The following UPF1 variants were observed in gnomAD, a reference collection of about 807,000 sequenced individuals.
The protein encoded by UPF1 is regulator of nonsense transcripts 1.
In UPF1, 9 loss-of-function variants were observed where a neutral mutation model predicts 129.2. The ratio of observed to expected loss-of-function variants is 0.07; its 90% CI spans 0.04 to 0.12. The LOEUF is 0.12. Ranked by LOEUF, UPF1 falls within the 10% of genes least tolerant of loss-of-function variation. The pLI is 1.00. For missense variants in UPF1, 788 were observed against 1,525.3 expected (o/e 0.52, Z 8.05); for synonymous variants, 649 against 644.9 (o/e 1.01, Z -0.10).
In UPF1 at chr19:18,838,648, T is replaced by TA. The variant is rs879748995; in HGVS notation, c.231+6220dup. Among the ~76,000 whole-genome samples, 75 of 147,206 alleles carry TA rather than the reference T, an allele frequency of 5.1e-4. No homozygotes were observed. In the East Asian group the frequency reaches 6.3e-3, roughly 12 times the overall value. The stretch of plus-strand genomic sequence containing the variant: ...GGGCAACAAGAGCAAAACTCCATCT[T>TA]AAAAAAAAAAAATGCTCATGACTTC... On this transcript the variant is annotated intron_variant, in intron 1 of 23. Transcript: ENST00000262803.
intron 1 of UPF1, among the ~76,000 whole-genome samples, chr19:18,839,254 A>G (rs1348437328): frequency 6.6e-6 from 1 of 151,972 alleles, no homozygotes; most frequent in East Asian, 1.9e-4. Flanking sequence ...ACCATGCCCA[A>G]CTAATTTTTT....
chr19:18,843,622 G>A (rs574995373), intron 1 of UPF1, among the ~76,000 whole-genome samples: 4 of 150,084 alleles, frequency 2.7e-5, no homozygotes, highest in East Asian at 4.0e-4. Context: ...GGGTTCAAGC[G>A]ATTCTCCTGC....
intron 18 of UPF1, 119 bp from the exon 19 acceptor site, chr19:18,863,319 G>C: frequency 7.5e-7 from 1 of 1,336,130 alleles, no homozygotes; most frequent in South Asian, 1.4e-5. Flanking sequence ...CCTGCTGCCC[G>C]GTCCACGCCT....
chr19:18,865,721 C>CATGAGCCAGCCTTCCCAG lies in UPF1; in HGVS notation c.3192_3209dup (p.Ser1065_Pro1070dup), dbSNP rs2055836321. On this transcript the variant is annotated inframe_insertion, in exon 22 of 24. Transcript: ENST00000262803. The surrounding 1 kb of genome is among the most constrained non-coding windows in gnomAD (Gnocchi z 6.1). ...GCGCCCTGACGCAGGGCTACATCTC[C>CATGAGCCAGCCTTCCCAG]ATGAGCCAGCCTTCCCAGATGAGCC... 3 of 1,613,554 alleles carry CATGAGCCAGCCTTCCCAG rather than the reference C, an allele frequency of 1.9e-6. No individual in the cohort carries two copies. Among genetic ancestry groups the CATGAGCCAGCCTTCCCAG allele is most frequent in the Admixed American group, 1.7e-5 (1 of 60,036 alleles).
At position 18,857,012 on chromosome 19, in the gene UPF1, G is replaced by T. The variant is rs753614792; in HGVS notation, c.1960G>T (p.Ala654Ser). The T allele has an allele frequency of 6.2e-7, 1 of 1,609,962 alleles. No homozygotes were observed. Among genetic ancestry groups the T allele is most frequent in the Non-Finnish European group, 8.5e-7 (1 of 1,178,484 alleles). Residue 654 changes from alanine (A) to serine (S), a missense_variant, in exon 14 of 24, where the codon GCC (alanine) becomes TCC (serine). This residue lies in a region of UPF1 where 140 missense variants were observed against 385.9 expected (regional missense o/e 0.36). Transcript: ENST00000262803. The part of the protein sequence containing the change: ...PECMVPVVLG[A>S]KQLILVGDHC... ...GTGCATGGTTCCCGTGGTCCTCGGG[G>T]CCAAGCAGGTGGGCTGCCTCCCCTG...
chr19:18,838,692 C>G (rs1331107729), intron 1 of UPF1, among the ~76,000 whole-genome samples: 5 of 151,612 alleles, frequency 3.3e-5, no homozygotes, highest in African/African-American at 1.2e-4. Flanking sequence ...TTTTTGAATC[C>G]TCTGGTAGCC....
At chr19:18,857,815 G>A (rs2055734902) in intron 15 of UPF1, among the ~76,000 whole-genome samples, 1 of 152,246 alleles carries the variant, frequency 6.6e-6, no homozygotes, top group Non-Finnish European at 1.5e-5. Context: ...AGGACAGGCT[G>A]TTAGGGGAGC....
intron 3 of UPF1, chr19:18,849,670 CAGA>C (rs887308988): frequency 3.5e-5 from 7 of 199,568 alleles, no homozygotes; most frequent in Admixed American, 5.5e-5. Context: ...GGAGTGATTT[CAGA>C]AGAAGCCACA....
rs1360382506 is a variant in UPF1 at position 18,868,078 on chromosome 19, C to G, written c.*1561C>G. The G allele has an allele frequency of 6.2e-6, 1 of 160,380 alleles. No homozygotes were observed. The highest frequency in any genetic ancestry group is 1.4e-5 in the Non-Finnish European group (1 of 72,820). 9.9% of individuals were successfully genotyped at this position (160,380 alleles called of 1,614,324 possible). A position where few individuals can be genotyped will look rare whatever the true frequency, so the allele number is the denominator to read the frequency against. On this transcript the variant is annotated 3_prime_UTR_variant, in exon 24 of 24. Coordinates refer to ENST00000262803, the MANE Select transcript of UPF1 (RefSeq NM_002911.4). The stretch of plus-strand genomic sequence containing the variant: ...CCATCCCGGCTGTTGGGCTGGGCCG[C>G]TTTGCCTCTGCTTCGCCCTGTGCTG...
At position 18,850,218 on chromosome 19, in the gene UPF1, A is replaced by G. The variant is rs1309349902; in HGVS notation, c.605A>G (p.Asp202Gly). The change falls in exon 4 of 24, where the codon GAC becomes GGC. Residue 202 changes from aspartate (D) to glycine (G), a missense_variant. Physicochemically the swap from Asp to Gly is moderately conservative, Grantham distance 94. Transcript: ENST00000262803. The surrounding 1 kb of genome is among the most constrained non-coding windows in gnomAD (Gnocchi z 7.1). ...FLLGFIPAKA[D>G]SVVVLLCRQP... ...CTCGGCTTCATCCCGGCCAAAGCTG[A>G]CTCAGTGGTGGTGCTGCTGTGCAGG... 2 of 1,611,950 alleles carry G rather than the reference A, an allele frequency of 1.2e-6. No homozygotes were observed.
At chr19:18,845,929 T>C (rs377703852) in intron 1 of UPF1, 51 bp from the exon 2 acceptor site, 389 of 1,601,578 alleles carry the variant, frequency 2.4e-4, no homozygotes, top group Non-Finnish European at 3.2e-4. Context: ...TCTTCTGCAC[T>C]GAGTCCTGGA....
At position 18,836,156 on chromosome 19, in the gene UPF1, A is replaced by C. The variant is rs142387601; in HGVS notation, c.231+3716A>C. Among the ~76,000 whole-genome samples the C allele has an allele frequency of 1.1e-4, 16 of 152,340 alleles. No homozygotes were observed. The East Asian group carries it at 1.7e-3, about 17-fold the overall frequency. On this transcript the variant is annotated intron_variant, in intron 1 of 23. Transcript: ENST00000262803. ...TAAGATACAGGGACAGTTTTCGAGC[A>C]TCTGACCTTTTCCTGGGCCCTTCTC...
At chr19:18,864,548 A>AT (rs966778927) in intron 20 of UPF1, among the ~76,000 whole-genome samples, 36 of 149,888 alleles carry the variant, frequency 2.4e-4, no homozygotes, top group African/African-American at 6.4e-4. Flanking sequence ...CATAAAAAGG[A>AT]TTTTTTTTTT....
At chr19:18,862,181 C>T (rs1483460035) in intron 18 of UPF1, 29 bp downstream of exon 18, 2 of 1,608,800 alleles carry the variant, frequency 1.2e-6, no homozygotes, top group Non-Finnish European at 8.5e-7. Flanking sequence ...GCATGCTGCC[C>T]AGCCGCTCAT....
In UPF1 at chr19:18,866,174, C is replaced by T. The variant is rs756283584; in HGVS notation, c.*3+8C>T. 38 of 1,584,912 alleles carry T rather than the reference C, an allele frequency of 2.4e-5. No homozygotes were observed. In the Admixed American group the frequency reaches 6.5e-4, roughly 27 times the overall value. ...CTGTCCCAGTATTAAAAGGCAAGCC[C>T]CCCTGGAGCAGGCCTGGCCCCACCC... On this transcript the variant is annotated splice_region_variant and intron_variant, in intron 23 of 23. Transcript: ENST00000262803.
intron 20 of UPF1, among the ~76,000 whole-genome samples, chr19:18,864,738 T>TTG (rs1555701068): frequency 1.5e-5 from 2 of 137,556 alleles, no homozygotes; most frequent in South Asian, 2.4e-4. Context: ...CAGGTGTTTT[T>TTG]TTTTTTTTTT....
chr19:18,865,280 G>A lies in UPF1; in HGVS notation c.2858-9G>A. 1 of 1,597,098 alleles carries A rather than the reference G, an allele frequency of 6.3e-7. No homozygotes were observed. The highest frequency in any genetic ancestry group is 1.1e-5 in the South Asian group (1 of 90,608). ...GGTGACACCTGCCGTGTTCCACTGTGATTTGCAGGCCGGCCTTCCAGCATG... is the reference window on the plus strand; with the variant it reads ...GGTGACACCTGCCGTGTTCCACTGTAATTTGCAGGCCGGCCTTCCAGCATG... On this transcript the variant is annotated splice_polypyrimidine_tract_variant and intron_variant, in intron 20 of 23. Transcript: ENST00000262803. This position sits in a 1 kb window ranked among gnomAD's most constrained non-coding sequence, Gnocchi z 6.1.
Position 18,832,375 on chromosome 19 carries a change from G to C in UPF1, c.166G>C (p.Gly56Arg), listed in dbSNP as rs750140343. 4.0e-6 allele frequency: 5 copies of C among 1,244,856 alleles called. No individual in the cohort carries two copies. The highest frequency in any genetic ancestry group is 5.1e-6 in the Non-Finnish European group (5 of 975,196). The allele number at this position is 1,244,856 out of a possible 1,614,324, so 77.1% of individuals were successfully genotyped here. The change falls in exon 1 of 24, where the codon GGT (glycine) becomes CGT (arginine). Residue 56 changes from glycine to arginine, a missense_variant. Gly to Arg is a moderately radical substitution (Grantham distance 125, BLOSUM62 -2). Transcript: ENST00000262803. The surrounding 1 kb of genome is among the most constrained non-coding windows in gnomAD (Gnocchi z 5.6). ...CCCCGGCGGCCCCGGCGGCCCGGGC[G>C]GTGGCGGCGCGGGAGGCCCGGGCGG... ...TPPGGPGGPG[G>R]GGAGGPGGAG...
chr19:18,839,996 T>C (rs2055524724), intron 1 of UPF1, among the ~76,000 whole-genome samples: 1 of 151,740 alleles, frequency 6.6e-6, no homozygotes, highest in Admixed American at 6.6e-5. Flanking sequence ...GGAGGGTGGA[T>C]GTGGGGCCAG....
Sources: gnomAD v4.1 joint callset for allele counts (sites outside exome capture counted in the v4.1 genomes callset) on GRCh38, gnomAD v4.1.1 for gene constraint, gnomAD v4.1.1 regional missense constraint, Gnocchi (gnomAD v3.1) non-coding constraint, MANE v1.5 for transcripts, NCBI Gene and HGNC (gene_info 2026-07-23, HGNC 2026-07-21) for gene names.